MLIP: variants seen among roughly 807,000 people sequenced by gnomAD.
MLIP encodes muscular LMNA-interacting protein.
Under a neutral mutation model 84.8 loss-of-function variants are expected in MLIP, and 79 were observed. That is an observed-to-expected ratio of 0.93 (90% CI 0.78 to 1.12). MLIP has a LOEUF of 1.12. Among genes scored for constraint, MLIP ranks in the 50% most tolerant of loss-of-function variants. The pLI is 0.00. For synonymous variants in MLIP, 504 were observed against 463.0 expected (o/e 1.09, Z -1.14); for missense variants, 1,257 against 1,160.6 (o/e 1.08, Z -1.21).
In MLIP at chr6:54,149,075, G is replaced by A. The variant is rs200350443; in HGVS notation, c.2237G>A (p.Ser746Asn). The A allele has an allele frequency of 8.4e-5, 135 of 1,612,754 alleles. No homozygotes were observed. In the Middle Eastern group the frequency reaches 1.5e-3, roughly 18 times the overall value. ...TTCTAGCAATACAAGACCAAGTCAA[G>A]CTACAAGGCTTTTGCAGCAATCCCT... ...KKSKQYKTKS[S>N]YKAFAAIPTN... The change falls in exon 5 of 14, where the codon AGC becomes AAC. Residue 746 changes from serine (S) to asparagine (N), a missense_variant. Coordinates refer to ENST00000502396, the MANE Select transcript of MLIP (RefSeq NM_001281747.2).
At chr6:54,217,147 T>C (rs974948715) in intron 11 of MLIP, 85 of 985,272 alleles carry the variant, frequency 8.6e-5, no homozygotes, top group Non-Finnish European at 1.0e-4. Context: ...TTACCTATGG[T>C]ACTCTGAGTT....
chr6:54,248,125 C>A (rs1000335757), intron 12 of MLIP, among the ~76,000 whole-genome samples: 8 of 151,930 alleles, frequency 5.3e-5, no homozygotes, highest in Non-Finnish European at 8.8e-5. Context: ...TTTTATGTCA[C>A]ACTGGAATAA....
At chr6:54,129,545 A>G (rs1285164333) in intron 3 of MLIP, among the ~76,000 whole-genome samples, 1 of 152,208 alleles carries the variant, frequency 6.6e-6, no homozygotes, top group Non-Finnish European at 1.5e-5. Flanking sequence ...AAGAGCACCT[A>G]GGACTCCTGC....
intron 12 of MLIP, among the ~76,000 whole-genome samples, chr6:54,239,912 TTAGTGCCCCTC>T (rs1781622335): frequency 6.6e-6 from 1 of 152,250 alleles, no homozygotes; most frequent in African/African-American, 2.4e-5. Flanking sequence ...TTCAATATTT[TTAGTGCCCCTC>T]TGTTTATCAG....
chr6:54,053,363 T>C (rs1765479695), intron 1 of MLIP, among the ~76,000 whole-genome samples: 1 of 152,234 alleles, frequency 6.6e-6, no homozygotes, highest in African/African-American at 2.4e-5. Context: ...AAACTTCATA[T>C]GAAAATGAAT....
At chr6:54,252,988 C>T (rs980793996) in intron 12 of MLIP, among the ~76,000 whole-genome samples, 5 of 152,164 alleles carry the variant, frequency 3.3e-5, no homozygotes, top group Non-Finnish European at 5.9e-5. Flanking sequence ...TTTTACAAGT[C>T]GGAAAACTGT....
chr6:54,124,520 G>C lies in MLIP; in HGVS notation c.300G>C (p.Glu100Asp). 2 of 1,614,184 alleles carry C rather than the reference G, an allele frequency of 1.2e-6. No homozygotes were observed. The highest frequency in any genetic ancestry group is 1.7e-6 in the Non-Finnish European group (2 of 1,180,020). The part of the protein sequence containing the change: ...YLTLNAGSQQ[E>D]RDQAKLTCPS... ...CCTTGAATGCTGGGAGCCAACAAGA[G>C]AGAGACCAAGCGAAATTGACTTGTC... The change falls in exon 3 of 14, where the codon GAG (glutamate) becomes GAC (aspartate). Residue 100 changes from glutamate to aspartate, a missense_variant. Transcript: ENST00000502396.
intron 1 of MLIP, among the ~76,000 whole-genome samples, chr6:54,040,077 A>T (rs1052948941): frequency 2.0e-5 from 3 of 152,006 alleles, no homozygotes; most frequent in African/African-American, 7.2e-5. Context: ...GTCTCTCATC[A>T]TTTTTGAGCA....
intron 1 of MLIP, chr6:54,058,831 T>G (rs764825897): frequency 6.6e-6 from 1 of 152,076 alleles, no homozygotes; most frequent in Non-Finnish European, 1.5e-5. Context: ...TCACAATTAG[T>G]TGGGGGTAGA....
At chr6:54,153,655 C>G (rs1033421199) in intron 5 of MLIP, among the ~76,000 whole-genome samples, 1 of 151,794 alleles carries the variant, frequency 6.6e-6, no homozygotes, top group African/African-American at 2.4e-5. Flanking sequence ...CGAGACCAGC[C>G]TGGCCAACAT....
At chr6:54,086,804 C>T (rs1485208556) in intron 1 of MLIP, among the ~76,000 whole-genome samples, 1 of 152,110 alleles carries the variant, frequency 6.6e-6, no homozygotes, top group Non-Finnish European at 1.5e-5. Context: ...ACCTAGATAT[C>T]TGCATAATTT....
chr6:54,163,518 A>T (rs1226733925), intron 8 of MLIP, among the ~76,000 whole-genome samples: 2 of 151,874 alleles, frequency 1.3e-5, no homozygotes, highest in Non-Finnish European at 2.9e-5. Flanking sequence ...ATACCTTGTT[A>T]CTTCTGGTAG....
chr6:54,167,893 C>T (rs957705705), intron 8 of MLIP, among the ~76,000 whole-genome samples: 6 of 151,750 alleles, frequency 4.0e-5, no homozygotes, highest in Non-Finnish European at 8.8e-5. Flanking sequence ...TCCTGGTTGA[C>T]TTTCTCTCTC....
intron 12 of MLIP, among the ~76,000 whole-genome samples, chr6:54,254,127 C>CGT (rs1782827363): frequency 7.6e-6 from 1 of 131,960 alleles, no homozygotes; most frequent in African/African-American, 3.3e-5. Flanking sequence ...TGTTTTTTTG[C>CGT]TGTTTTTTTT....
intron 11 of MLIP, chr6:54,216,437 A>T: frequency 2.0e-6 from 2 of 985,206 alleles, no homozygotes; most frequent in Non-Finnish European, 2.4e-6. Flanking sequence ...GCTCACTGTG[A>T]TTGATTATGG....
intron 9 of MLIP, among the ~76,000 whole-genome samples, chr6:54,183,373 C>T (rs1300890913): frequency 6.6e-6 from 1 of 152,058 alleles, no homozygotes; most frequent in Non-Finnish European, 1.5e-5. Flanking sequence ...TATATTTGTT[C>T]AGAAATATTT....
At chr6:54,246,004 A>G (rs6932559) in intron 12 of MLIP, among the ~76,000 whole-genome samples, 49,858 of 152,032 alleles carry the variant, frequency 0.33, 11,661 homozygotes, top group African/African-American at 0.67. Flanking sequence ...GAAGTTTACC[A>G]ATGTGTGACT....
At chr6:54,228,459 T>G (rs1457731562) in intron 11 of MLIP, among the ~76,000 whole-genome samples, 1 of 152,182 alleles carries the variant, frequency 6.6e-6, no homozygotes, top group Non-Finnish European at 1.5e-5. Flanking sequence ...CTCGTCCAAG[T>G]GCTGATAAGA....
intron 9 of MLIP, among the ~76,000 whole-genome samples, chr6:54,188,267 TTTTC>T (rs1375580523): frequency 6.6e-6 from 1 of 152,176 alleles, no homozygotes; most frequent in Non-Finnish European, 1.5e-5. Context: ...AAGTTTATGT[TTTTC>T]TTTCTTCAAC....
Sources: gnomAD v4.1 joint callset for allele counts (sites outside exome capture counted in the v4.1 genomes callset) on GRCh38, gnomAD v4.1.1 for gene constraint, MANE v1.5 for transcripts, NCBI Gene and HGNC (gene_info 2026-07-23, HGNC 2026-07-21) for gene names.